MYO3B: variants seen among roughly 807,000 people sequenced by gnomAD.
The protein encoded by MYO3B is myosin IIIB.
MYO3B carries 156 observed loss-of-function variants against 174.6 expected under a neutral mutation model. The observed-to-expected ratio is 0.89, with a 90% CI of 0.78 to 1.02. The LOEUF (loss-of-function observed/expected upper bound fraction) is 1.02, where lower values mean the gene tolerates loss of function less well. Among genes scored for constraint, MYO3B ranks in the 50% least tolerant of loss-of-function variants. The pLI, the probability that MYO3B is intolerant of heterozygous loss-of-function variation, is 0.00. For synonymous variants in MYO3B, 563 were observed against 569.1 expected, an observed-to-expected ratio of 0.99 and a Z score of 0.15; for missense variants, 1,632 against 1,639.4, an observed-to-expected ratio of 1.00 and a Z score of 0.08.
At chr2:170,187,340 C>G (rs781247558) in intron 1 of MYO3B, among the ~76,000 whole-genome samples, 25 of 152,108 alleles carry the variant, frequency 1.6e-4, no homozygotes, top group Non-Finnish European at 1.0e-4. Context: ...TCAAGTGATT[C>G]TCCTGCCTCA....
intron 7 of MYO3B, among the ~76,000 whole-genome samples, chr2:170,262,150 C>A (rs1203551129): frequency 1.3e-5 from 2 of 152,122 alleles, no homozygotes; most frequent in Non-Finnish European, 2.9e-5. Flanking sequence ...TCCAGGGAGG[C>A]CTTGTACCTC....
chr2:170,648,670 T>TATAATATATATTATATTCA (rs1491345879), intron 32 of MYO3B, among the ~76,000 whole-genome samples: 1 of 102,654 alleles, frequency 9.7e-6, no homozygotes, highest in Non-Finnish European at 2.0e-5. Flanking sequence ...TATTATATTC[T>TATAATATATATTATATTCA]ATATAATATA....
chr2:170,619,598 A>G (rs1218835515), intron 32 of MYO3B, among the ~76,000 whole-genome samples: 2 of 151,980 alleles, frequency 1.3e-5, no homozygotes, highest in Admixed American at 6.6e-5. Context: ...CTCTCACCAC[A>G]TGGGACTCTT....
In MYO3B at chr2:170,305,772, G is replaced by A. The variant is rs140816564; in HGVS notation, c.750-29613G>A. On this transcript the variant is annotated intron_variant, in intron 7 of 34. Transcript: ENST00000408978. Reference sequence around the variant, plus strand: ...AATAAATTTTTATCTATTACTTTTCGAAACAGGGTCTTACTATATTACCTA... The same window carrying A: ...AATAAATTTTTATCTATTACTTTTCAAAACAGGGTCTTACTATATTACCTA... Among the ~76,000 whole-genome samples the A allele has an allele frequency of 1.0e-3, 153 of 152,028 alleles. 1 individual carries two copies. The highest frequency in any genetic ancestry group is 3.1e-3 in the African/African-American group (129 of 41,472).
intron 8 of MYO3B, chr2:170,342,467 G>A (rs879597333): frequency 1.3e-5 from 2 of 152,190 alleles, no homozygotes; most frequent in Non-Finnish European, 2.9e-5. Flanking sequence ...ACCAGGAAGA[G>A]GCAGCTGTGG....
intron 8 of MYO3B, among the ~76,000 whole-genome samples, chr2:170,360,107 A>G (rs917432591): frequency 6.6e-6 from 1 of 152,112 alleles, no homozygotes; most frequent in Non-Finnish European, 1.5e-5. Context: ...TATAGTCCTG[A>G]GCATGTAATG....
chr2:170,477,518 T>C (rs542394549), intron 25 of MYO3B, among the ~76,000 whole-genome samples: 1 of 152,226 alleles, frequency 6.6e-6, no homozygotes, highest in East Asian at 1.9e-4. Context: ...GTCCAGTGTT[T>C]CCTGAATGGA....
chr2:170,312,783 G>A (rs1453643089), intron 7 of MYO3B, among the ~76,000 whole-genome samples: 1 of 152,136 alleles, frequency 6.6e-6, no homozygotes, highest in East Asian at 1.9e-4. Flanking sequence ...TGGTATCCAG[G>A]GAAATCACAC....
intron 7 of MYO3B, among the ~76,000 whole-genome samples, chr2:170,280,449 G>A (rs1470137314): frequency 6.6e-5 from 10 of 151,906 alleles, no homozygotes; most frequent in East Asian, 1.9e-4. Context: ...TTTGCCGTGC[G>A]GAAGCTCTTA....
chr2:170,216,768 T>G (rs2092833593), intron 5 of MYO3B, among the ~76,000 whole-genome samples: 1 of 152,182 alleles, frequency 6.6e-6, no homozygotes, highest in South Asian at 2.1e-4. Context: ...AAGCCCCTTA[T>G]TAAGAAAGAA....
intron 22 of MYO3B, 30 bp downstream of exon 22, chr2:170,407,874 C>A: frequency 1.2e-6 from 2 of 1,612,244 alleles, no homozygotes; most frequent in South Asian, 2.2e-5. Context: ...TAGCCCTGCT[C>A]TTAAAGCTTT....
chr2:170,200,353 C>A, intron 3 of MYO3B, 69 bp downstream of exon 3: 1 of 1,544,520 alleles, frequency 6.5e-7, no homozygotes, highest in South Asian at 1.3e-5. Context: ...GCTTTATTAC[C>A]TAGAGGGTGT....
chr2:170,585,366 G>C (rs887105142), intron 32 of MYO3B, among the ~76,000 whole-genome samples: 4 of 148,804 alleles, frequency 2.7e-5, no homozygotes, highest in African/African-American at 1.0e-4. Flanking sequence ...TTATGCAGTT[G>C]GGGAGGACCC....
intron 7 of MYO3B, among the ~76,000 whole-genome samples, chr2:170,290,412 C>T (rs1366574102): frequency 6.6e-6 from 1 of 151,950 alleles, no homozygotes; most frequent in Admixed American, 6.6e-5. Flanking sequence ...CTGAATTGAC[C>T]CTTTTATCAT....
chr2:170,450,805 TC>T (rs1457224544), intron 23 of MYO3B, among the ~76,000 whole-genome samples: 1 of 152,178 alleles, frequency 6.6e-6, no homozygotes, highest in Non-Finnish European at 1.5e-5. Context: ...GTTAAACAGA[TC>T]AATTTTTTTA....
chr2:170,266,983 C>T (rs1242704549), intron 7 of MYO3B, among the ~76,000 whole-genome samples: 1 of 152,186 alleles, frequency 6.6e-6, no homozygotes. Flanking sequence ...AGGAAACAAA[C>T]CCCACTATCT....
At chr2:170,481,581 A>G (rs1199127074) in intron 25 of MYO3B, among the ~76,000 whole-genome samples, 1 of 152,190 alleles carries the variant, frequency 6.6e-6, no homozygotes, top group Admixed American at 6.5e-5. Flanking sequence ...TCAAAAAAAA[A>G]TTTAAAAATT....
intron 32 of MYO3B, among the ~76,000 whole-genome samples, chr2:170,619,808 G>A (rs1162615954): frequency 1.4e-5 from 2 of 138,130 alleles, no homozygotes; most frequent in Non-Finnish European, 3.1e-5. Flanking sequence ...GTGCGGTGGG[G>A]TGATCTCAGC....
chr2:170,463,436 T>G lies in MYO3B; in HGVS notation c.2799T>G (p.Ser933=). The G allele has an allele frequency of 6.2e-7, 1 of 1,614,102 alleles. No homozygotes were observed. The highest frequency in any genetic ancestry group is 8.5e-7 in the Non-Finnish European group (1 of 1,179,996). The change falls in exon 24 of 35, where the codon TCT becomes TCG. Residue 933 remains serine (S), a synonymous_variant. Coordinates refer to ENST00000408978, the MANE Select transcript of MYO3B (RefSeq NM_138995.5). The part of the protein sequence containing the change: ...TTNMKRQTVA[S]YFRYSLMDLL... ...ACATGAAGAGGCAAACTGTGGCTTCTTACTTCCGGGTATGGAGTCTTCTTG... is the reference window on the plus strand; with the variant it reads ...ACATGAAGAGGCAAACTGTGGCTTCGTACTTCCGGGTATGGAGTCTTCTTG...
Sources: allele counts gnomAD v4.1 joint callset (sites outside exome capture counted in the v4.1 genomes callset), GRCh38; gene constraint gnomAD v4.1.1; transcripts MANE v1.5; gene names NCBI Gene and HGNC (gene_info 2026-07-23, HGNC 2026-07-21).